P4HA1: variants seen among roughly 807,000 people sequenced by gnomAD.
P4HA1 encodes prolyl 4-hydroxylase subunit alpha-1.
A neutral mutation model predicts 72.8 loss-of-function variants in P4HA1; 24 were observed. The ratio of observed to expected loss-of-function variants is 0.33; its 90% CI spans 0.24 to 0.46. The LOEUF (loss-of-function observed/expected upper bound fraction) is 0.46. Ranked by LOEUF, P4HA1 falls within the 20% of genes least tolerant of loss-of-function variation. P4HA1 has a pLI of 1.00. For synonymous variants in P4HA1, 201 were observed against 218.8 expected, an observed-to-expected ratio of 0.92 and a Z score of 0.72; for missense variants, 446 against 640.6, an observed-to-expected ratio of 0.70 and a Z score of 3.28.
chr10:73,067,092 T>A (rs79232872), intron 5 of P4HA1, among the ~76,000 whole-genome samples: 10,452 of 152,080 alleles, frequency 0.069, 619 homozygotes, highest in East Asian at 0.3. Flanking sequence ...GGTCTTGAAC[T>A]CCTACCCTCA....
At chr10:73,091,981 G>C (rs925563976) in intron 1 of P4HA1, among the ~76,000 whole-genome samples, 1 of 152,120 alleles carries the variant, frequency 6.6e-6, no homozygotes, top group Non-Finnish European at 1.5e-5. Flanking sequence ...GGTATACTCA[G>C]CTTCATCCCT....
chr10:73,028,190 C>G (rs1358855725), intron 10 of P4HA1, among the ~76,000 whole-genome samples: 1 of 151,352 alleles, frequency 6.6e-6, no homozygotes, highest in Admixed American at 6.6e-5. Context: ...TTTTAAAAAA[C>G]TGCAAGCGTT....
chr10:73,013,090 C>T (rs1374831877), intron 12 of P4HA1, among the ~76,000 whole-genome samples: 1 of 152,190 alleles, frequency 6.6e-6, no homozygotes, highest in Non-Finnish European at 1.5e-5. Context: ...GTCACTGTGC[C>T]TGGCCTAAAA....
intron 1 of P4HA1, among the ~76,000 whole-genome samples, chr10:73,088,055 C>T (rs1444600300): frequency 6.6e-6 from 1 of 152,138 alleles, no homozygotes; most frequent in African/African-American, 2.4e-5. Context: ...TTTTACTTCA[C>T]AATCTATGAA....
chr10:73,017,036 A>C (rs1840020207), intron 10 of P4HA1, 137 bp from the exon 11 acceptor site: 2 of 578,950 alleles, frequency 3.5e-6, no homozygotes, highest in East Asian at 6.2e-5. Context: ...TTTAAAATCA[A>C]CAAGAGTTCC....
At chr10:73,029,466 AT>A (rs1442869222) in intron 10 of P4HA1, among the ~76,000 whole-genome samples, 1 of 151,674 alleles carries the variant, frequency 6.6e-6, no homozygotes, top group Non-Finnish European at 1.5e-5. Context: ...AAATAAAGGC[AT>A]TGGTTTTTTT....
chr10:73,035,320 A>G lies in P4HA1; in HGVS notation c.1149-4950T>C, dbSNP rs561276654. On this transcript the variant is annotated intron_variant, in intron 9 of 14. Coordinates refer to ENST00000394890, the MANE Select transcript of P4HA1 (RefSeq NM_001017962.3). ...CGTTTGGGGATAGGAGTTGAAGACC[A>G]GTCTGGGAAACATAGCAAGACCCCG... is the stretch of plus-strand genomic sequence containing the variant. 7.2e-4 allele frequency among the ~76,000 whole-genome samples: 109 copies of G among 152,308 alleles called. 1 individual carries two copies. Among genetic ancestry groups the G allele is most frequent in the African/African-American group, 2.4e-3 (101 of 41,568 alleles).
At chr10:73,012,247 G>A (rs1366764425) in intron 12 of P4HA1, among the ~76,000 whole-genome samples, 1 of 152,122 alleles carries the variant, frequency 6.6e-6, no homozygotes, top group Non-Finnish European at 1.5e-5. Context: ...CTGAAAAGAT[G>A]CTCAACCTCT....
chr10:73,051,230 A>C lies in P4HA1; in HGVS notation c.723T>G (p.Ala241=). ...ACTCAAAATATTTTAAGTTACCATTAGCTCTCTGATGTTCAGGATCTATTA... is the reference window on the plus strand; with the variant it reads ...ACTCAAAATATTTTAAGTTACCATTCGCTCTCTGATGTTCAGGATCTATTA... The part of the protein sequence containing the change: ...LLELDPEHQR[A]NGNLKYFEYI... Residue 241 remains alanine, a synonymous_variant, in exon 7 of 15, where the codon GCT becomes GCG. Coordinates refer to ENST00000394890, the MANE Select transcript of P4HA1 (RefSeq NM_001017962.3). The C allele has an allele frequency of 6.3e-7, 1 of 1,588,988 alleles. No individual in the cohort carries two copies. Among genetic ancestry groups the C allele is most frequent in the Non-Finnish European group, 8.6e-7 (1 of 1,158,538 alleles).
At chr10:73,068,427 G>C (rs187956218) in intron 5 of P4HA1, among the ~76,000 whole-genome samples, 1 of 152,170 alleles carries the variant, frequency 6.6e-6, no homozygotes, top group East Asian at 1.9e-4. Flanking sequence ...TCCATACTAT[G>C]GAACACTTTA....
intron 11 of P4HA1, among the ~76,000 whole-genome samples, chr10:73,015,676 C>A (rs760135655): frequency 9.2e-5 from 14 of 152,296 alleles, no homozygotes; most frequent in African/African-American, 2.6e-4. Context: ...TGTGGCAGAT[C>A]CTCCTCTTAC....
chr10:73,074,409 G>C (rs753829794), intron 2 of P4HA1, among the ~76,000 whole-genome samples: 3 of 152,028 alleles, frequency 2.0e-5, no homozygotes, highest in Non-Finnish European at 4.4e-5. Flanking sequence ...CTTGAGGCCA[G>C]GAGTTGAAGA....
chr10:73,079,132 C>A (rs538367841), intron 1 of P4HA1, among the ~76,000 whole-genome samples: 87 of 152,116 alleles, frequency 5.7e-4, no homozygotes, highest in Non-Finnish European at 1.1e-3. Context: ...TTCTATAAGC[C>A]TCTACATTTC....
chr10:73,090,859 G>A (rs1205991023), intron 1 of P4HA1, among the ~76,000 whole-genome samples: 1 of 151,740 alleles, frequency 6.6e-6, no homozygotes, highest in Non-Finnish European at 1.5e-5. Flanking sequence ...TCAGGAGTTC[G>A]AGACCCGCCC....
intron 9 of P4HA1, among the ~76,000 whole-genome samples, chr10:73,034,944 T>A (rs1237988091): frequency 6.6e-6 from 1 of 152,184 alleles, no homozygotes; most frequent in Non-Finnish European, 1.5e-5. Context: ...TTTCCTTTTT[T>A]AAGGCTGAAT....
At chr10:73,086,324 A>G (rs1434365077) in intron 1 of P4HA1, among the ~76,000 whole-genome samples, 1 of 152,262 alleles carries the variant, frequency 6.6e-6, no homozygotes, top group African/African-American at 2.4e-5. Flanking sequence ...CTATCCGTAC[A>G]ATGGAATATT....
chr10:73,012,790 A>AT (rs987588988), intron 12 of P4HA1, among the ~76,000 whole-genome samples: 13 of 151,740 alleles, frequency 8.6e-5, no homozygotes, highest in African/African-American at 2.2e-4. Context: ...AAATATATAT[A>AT]TTTTTTTTAT....
At chr10:73,067,401 C>A (rs940272673) in intron 5 of P4HA1, among the ~76,000 whole-genome samples, 1 of 152,162 alleles carries the variant, frequency 6.6e-6, no homozygotes, top group Non-Finnish European at 1.5e-5. Flanking sequence ...ATTTCCCTTA[C>A]AAACTTTTTA....
intron 11 of P4HA1, among the ~76,000 whole-genome samples, chr10:73,015,906 T>C (rs149619004): frequency 8.7e-4 from 133 of 152,242 alleles, no homozygotes; most frequent in Non-Finnish European, 1.6e-3. Context: ...TAAAAAGGTT[T>C]CACAGAATAT....
Sources: allele counts gnomAD v4.1 joint callset (sites outside exome capture counted in the v4.1 genomes callset), GRCh38; gene constraint gnomAD v4.1.1; transcripts MANE v1.5; gene names NCBI Gene and HGNC (gene_info 2026-07-23, HGNC 2026-07-21).